The following GAD1 variants were observed in gnomAD, a reference collection of about 807,000 sequenced individuals.
GAD1 encodes the protein glutamate decarboxylase 1, also known as 67 kDa glutamic acid decarboxylase.
GAD1 carries 35 observed loss-of-function variants against 75.2 expected under a neutral mutation model. The ratio of observed to expected loss-of-function variants is 0.47; its 90% confidence interval spans 0.36 to 0.62. The LOEUF is 0.62. GAD1 is among the 20% of genes least tolerant of loss of function. The probability of loss-of-function intolerance (pLI) is 0.00; values close to 1 mark genes in which losing one functional copy is unlikely to be tolerated. For synonymous variants in GAD1, 257 were observed against 271.9 expected (o/e 0.95, Z 0.54); for missense variants, 490 against 758.5 (o/e 0.65, Z 4.16).
At chr2:170,846,253 T>C (rs570256519) in intron 10 of GAD1, among the ~76,000 whole-genome samples, 190 bp downstream of exon 10, 1 of 152,234 alleles carries the variant, frequency 6.6e-6, no homozygotes, top group South Asian at 2.1e-4. Context: ...AGGGTTTTTT[T>C]AAAAAATGAA....
chr2:170,848,011 G>A (rs1358859653), intron 11 of GAD1, among the ~76,000 whole-genome samples: 1 of 152,170 alleles, frequency 6.6e-6, no homozygotes, highest in East Asian at 1.9e-4. Flanking sequence ...GTCGATTGCT[G>A]TCTTCTGTGG....
chr2:170,827,643 C>T (rs1702056602), intron 3 of GAD1, among the ~76,000 whole-genome samples: 1 of 152,208 alleles, frequency 6.6e-6, no homozygotes, highest in Non-Finnish European at 1.5e-5. Context: ...GAGAATCCCG[C>T]CCTGGGCTCA....
upstream of GAD1, among the ~76,000 whole-genome samples, chr2:170,814,694 C>A (rs1431573584): frequency 6.6e-6 from 1 of 152,166 alleles, no homozygotes; most frequent in Admixed American, 6.5e-5. Context: ...CAAGGACGGA[C>A]AAAAGTCTTC....
intron 8 of GAD1, 21 bp downstream of exon 8, chr2:170,845,642 C>G (rs1702615107): frequency 6.2e-7 from 1 of 1,612,708 alleles, no homozygotes; most frequent in African/African-American, 1.3e-5. Context: ...GATGCTTTCT[C>G]ATGGATAGTG....
intron 12 of GAD1, among the ~76,000 whole-genome samples, chr2:170,850,172 A>G (rs1702718708): frequency 6.6e-6 from 1 of 152,254 alleles, no homozygotes; most frequent in African/African-American, 2.4e-5. Flanking sequence ...AGAAAAAATA[A>G]GGCAGTATAT....
chr2:170,823,864 G>C (rs1182783699), intron 3 of GAD1, among the ~76,000 whole-genome samples: 1 of 152,184 alleles, frequency 6.6e-6, no homozygotes, highest in African/African-American at 2.4e-5. Context: ...CCTGCTGAGG[G>C]TGGGGGGCAG....
intron 11 of GAD1, among the ~76,000 whole-genome samples, chr2:170,848,003 C>T (rs1454977822): frequency 6.6e-6 from 1 of 152,180 alleles, no homozygotes; most frequent in African/African-American, 2.4e-5. Context: ...CCTTACTAGT[C>T]GATTGCTGTC....
upstream of GAD1, among the ~76,000 whole-genome samples, chr2:170,814,675 C>T (rs911132370): frequency 1.3e-5 from 2 of 152,198 alleles, no homozygotes; most frequent in African/African-American, 2.4e-5. Context: ...TTCAATTAAA[C>T]ATTCTAAACA....
At chr2:170,828,098 TTCTGCTGTCCTCCC>T (rs1702072455) in intron 3 of GAD1, among the ~76,000 whole-genome samples, 1 of 12,314 alleles carries the variant, frequency 8.1e-5, no homozygotes, top group African/African-American at 3.4e-4. Context: ...CCCCTCCTCC[TTCTGCTGTCCTCCC>T]TCTGCTGTCC....
rs376782984 is a variant in GAD1, at chr2:170,820,470, GC to G, written c.83-1616del. On this transcript the variant is annotated intron_variant, in intron 2 of 16. Transcript: ENST00000358196. ...CCCAGGCTTCAAAGGCGCGCTGGGC[GC>G]TCTATCCACTCTCACCCTCCCTTGC... is the stretch of plus-strand genomic sequence containing the variant. 3.6e-4 allele frequency among the ~76,000 whole-genome samples: 55 copies of G among 152,348 alleles called. 1 individual carries two copies. The Middle Eastern group carries it at 0.02, about 57-fold the overall frequency.
rs1452039310 is a variant in GAD1, at chr2:170,846,981, G to A, written c.1003-695G>A. ...ATCGTGCCAATGCACTCCAGCCTAG[G>A]TGACAGAGCAAGAACCTGTCTCAGA... On this transcript the variant is annotated intron_variant, in intron 10 of 16. Transcript: ENST00000358196. 5.9e-5 allele frequency among the ~76,000 whole-genome samples: 9 copies of A among 152,334 alleles called. No individual in the cohort carries two copies. In the East Asian group the frequency reaches 1.5e-3, roughly 26 times the overall value.
Position 170,830,936 on chromosome 2 carries a change from T to G in GAD1, c.305-14T>G, listed in dbSNP as rs1167938851. Reference sequence around the variant, plus strand: ...GAGTCAGGTGAAAACCATTCATTGCTCTCCCCAATTCAGATCTGCTTCCGG... The same window carrying G: ...GAGTCAGGTGAAAACCATTCATTGCGCTCCCCAATTCAGATCTGCTTCCGG... On this transcript the variant is annotated splice_polypyrimidine_tract_variant and intron_variant, in intron 4 of 16. Coordinates refer to ENST00000358196, the MANE Select transcript of GAD1 (RefSeq NM_000817.3). 6.2e-7 allele frequency: 1 copy of G among 1,614,134 alleles called. No individual in the cohort carries two copies. The highest frequency in any genetic ancestry group is 8.5e-7 in the Non-Finnish European group (1 of 1,180,030).
At chr2:170,842,439 C>A (rs1439664425) in intron 6 of GAD1, 7 of 909,212 alleles carry the variant, frequency 7.7e-6, no homozygotes. Flanking sequence ...TCAACATTTC[C>A]AAAAACCAGT....
chr2:170,853,871 A>G lies in GAD1; in HGVS notation c.1264-2A>G. ...ATGCACCCATCTTAATTTCCATGATAGGGTATACTCCAAGGATGCAACCAG... is the reference window on the plus strand; with the variant it reads ...ATGCACCCATCTTAATTTCCATGATGGGGTATACTCCAAGGATGCAACCAG... On this transcript the variant is annotated splice_acceptor_variant, in intron 13 of 16. Coordinates refer to ENST00000358196, the MANE Select transcript of GAD1 (RefSeq NM_000817.3). LOFTEE classifies it high-confidence loss of function. This position sits in a 1 kb window ranked among gnomAD's most constrained non-coding sequence, Gnocchi z 4.1. 1 of 1,614,086 alleles carries G rather than the reference A, an allele frequency of 6.2e-7. No homozygotes were observed.
rs1702786557 is a variant in GAD1, at chr2:170,853,429, T to C, written c.1264-444T>C. ...GCACAGCGTCTTTAGTCCACTCATA[T>C]GTGGAATCCATGTTAATGTCATAGG... On this transcript the variant is annotated intron_variant, in intron 13 of 16. Transcript: ENST00000358196. The surrounding 1 kb of genome is among the most constrained non-coding windows in gnomAD (Gnocchi z 4.1). The C allele has an allele frequency of 4.3e-6, 1 of 229,978 alleles. No homozygotes were observed. The highest frequency in any genetic ancestry group is 2.2e-5 in the African/African-American group (1 of 44,636). The allele number at this position is 229,978 out of a possible 1,614,324, so 14.2% of individuals were successfully genotyped here. A position where few individuals can be genotyped will look rare whatever the true frequency, so the allele number is the denominator to read the frequency against.
chr2:170,836,800 T>A lies in GAD1; in HGVS notation c.555T>A (p.Pro185=). 1 of 1,613,440 alleles carries A rather than the reference T, an allele frequency of 6.2e-7. No homozygotes were observed. Reference sequence around the variant, plus strand: ...TTTCTGTTTCCTATCTAGGTCATCCTCGATTTTTCAACCAGCTCTCCACTG... The same window carrying A: ...TTTCTGTTTCCTATCTAGGTCATCCACGATTTTTCAACCAGCTCTCCACTG... The part of the protein sequence containing the change: ...TLKYGVRTGH[P]RFFNQLSTGL... Residue 185 remains proline (P), a synonymous_variant, in exon 6 of 17, where the codon CCT becomes CCA. Transcript: ENST00000358196.
chr2:170,850,257 T>C (rs1406712711), intron 12 of GAD1, among the ~76,000 whole-genome samples: 1 of 152,246 alleles, frequency 6.6e-6, no homozygotes, highest in East Asian at 1.9e-4. Flanking sequence ...ATAACAAATA[T>C]TTAATCTGTC....
intron 14 of GAD1, among the ~76,000 whole-genome samples, chr2:170,854,258 C>T (rs1702804456): frequency 1.3e-5 from 2 of 152,080 alleles, no homozygotes; most frequent in Admixed American, 1.3e-4. Context: ...TTATAACGTT[C>T]TCTTATAACA....
chr2:170,824,928 T>TTGTG (rs1184755681), intron 3 of GAD1, among the ~76,000 whole-genome samples: 19 of 84,194 alleles, frequency 2.3e-4, no homozygotes, highest in Non-Finnish European at 4.1e-4. Context: ...TAGCCTACAC[T>TTGTG]CGTGTGTGTG....
Sources: gnomAD v4.1 joint callset for allele counts (sites outside exome capture counted in the v4.1 genomes callset) on GRCh38, gnomAD v4.1.1 for gene constraint, Gnocchi (gnomAD v3.1) non-coding constraint, MANE v1.5 for transcripts, NCBI Gene and HGNC (gene_info 2026-07-23, HGNC 2026-07-21) for gene names.